Variants in DIAPH2 observed in about 807,000 individuals in gnomAD.
DIAPH2 encodes protein diaphanous homolog 2.
DIAPH2 carries 35 observed loss-of-function variants against 92.7 expected under a neutral mutation model. The ratio of observed to expected loss-of-function variants is 0.38; its 90% CI spans 0.29 to 0.50. The LOEUF is 0.50. Ranked by LOEUF, DIAPH2 falls within the 20% of genes least tolerant of loss-of-function variation. The pLI is 0.94. For synonymous variants in DIAPH2, 301 were observed against 280.4 expected (o/e 1.07, Z -0.73); for missense variants, 701 against 819.5 (o/e 0.86, Z 1.77).
intron 22 of DIAPH2, among the ~76,000 whole-genome samples, chrX:97,202,416 C>T (rs1302780650): frequency 9.0e-6 from 1 of 111,199 alleles, no homozygotes; most frequent in Admixed American, 9.6e-5. Context: ...TTCAGGAGAC[C>T]CATCTCACAT....
At chrX:97,235,833 C>T (rs1262942136) in intron 22 of DIAPH2, among the ~76,000 whole-genome samples, 1 of 110,530 alleles carries the variant, frequency 9.0e-6, no homozygotes, top group Non-Finnish European at 1.9e-5. Flanking sequence ...GCCCAGATAA[C>T]TAATCAAGAC....
chrX:97,484,890 AAAAAG>A (rs1370444459), intron 26 of DIAPH2, among the ~76,000 whole-genome samples: 17 of 112,354 alleles, frequency 1.5e-4, no homozygotes, highest in Admixed American at 3.8e-4. Flanking sequence ...GCGAGAAAAA[AAAAAG>A]AAAAGAAAAG....
chrX:97,182,488 AATC>A (rs1226317261), intron 22 of DIAPH2, among the ~76,000 whole-genome samples: 1 of 111,613 alleles, frequency 9.0e-6, no homozygotes, highest in East Asian at 2.8e-4. Context: ...GATTGATAGG[AATC>A]ATCATCATCA....
intron 3 of DIAPH2, among the ~76,000 whole-genome samples, chrX:96,756,773 A>G (rs1210599176): frequency 9.0e-6 from 1 of 111,176 alleles, no homozygotes; most frequent in Admixed American, 9.6e-5. Context: ...ATTCGTTGCC[A>G]ACATTTATTA....
chrX:96,883,757 T>C (rs983909892), intron 5 of DIAPH2, among the ~76,000 whole-genome samples: 3 of 111,044 alleles, frequency 2.7e-5, no homozygotes, highest in South Asian at 3.8e-4. Context: ...GGTGCATTTT[T>C]CCCCCCTGCA....
chrX:97,093,987 G>C (rs1347558695), intron 19 of DIAPH2, among the ~76,000 whole-genome samples: 1 of 112,135 alleles, frequency 8.9e-6, no homozygotes, highest in Non-Finnish European at 1.9e-5. Context: ...AAAATTGTCA[G>C]AAGTGTGACT....
intron 5 of DIAPH2, chrX:96,884,675 G>C: frequency 8.3e-7 from 1 of 1,210,934 alleles, no homozygotes; most frequent in Non-Finnish European, 1.1e-6. Context: ...TTGTCAGTCG[G>C]AGTATATGTC....
intron 12 of DIAPH2, among the ~76,000 whole-genome samples, chrX:96,941,602 C>T (rs965188990): frequency 1.8e-5 from 2 of 111,431 alleles, no homozygotes; most frequent in Non-Finnish European, 3.8e-5. Context: ...TTGCTTGCCA[C>T]GTAATGTGAA....
chrX:96,873,085 T>C (rs2065154599), intron 4 of DIAPH2, among the ~76,000 whole-genome samples: 2 of 111,662 alleles, frequency 1.8e-5, no homozygotes, highest in South Asian at 7.6e-4. Context: ...CGCCAGCATT[T>C]GTCATTGCCT....
chrX:97,210,639 C>T (rs1379808779), intron 22 of DIAPH2, among the ~76,000 whole-genome samples: 1 of 111,447 alleles, frequency 9.0e-6, no homozygotes, highest in African/African-American at 3.3e-5. Flanking sequence ...ATGGTACTGA[C>T]ATAAAAAGAA....
chrX:96,703,348 G>T (rs1205522484), intron 1 of DIAPH2, among the ~76,000 whole-genome samples: 1 of 111,974 alleles, frequency 8.9e-6, no homozygotes, highest in African/African-American at 3.2e-5. Flanking sequence ...CCTGTTTGTA[G>T]TATAAATATA....
intron 17 of DIAPH2, among the ~76,000 whole-genome samples, chrX:97,003,160 C>T (rs2066156490): frequency 9.0e-6 from 1 of 111,031 alleles, no homozygotes; most frequent in African/African-American, 3.3e-5. Flanking sequence ...GAATAGTACT[C>T]CATCATGTAT....
chrX:97,415,499 T>G (rs763638419), intron 25 of DIAPH2, among the ~76,000 whole-genome samples: 3 of 111,872 alleles, frequency 2.7e-5, no homozygotes, highest in South Asian at 3.8e-4. Context: ...GTGGCACATA[T>G]TCACCATGAA....
chrX:97,131,130 G>T (rs1321760518), intron 21 of DIAPH2, among the ~76,000 whole-genome samples: 1 of 110,053 alleles, frequency 9.1e-6, no homozygotes, highest in Non-Finnish European at 1.9e-5. Context: ...AAATAAAAAA[G>T]TGTTCACAGC....
chrX:97,195,959 T>G (rs1014681665), intron 22 of DIAPH2, among the ~76,000 whole-genome samples: 11 of 111,708 alleles, frequency 9.8e-5, no homozygotes, highest in African/African-American at 3.2e-4. Flanking sequence ...GAACACAAGT[T>G]AATTATTTGA....
intron 9 of DIAPH2, among the ~76,000 whole-genome samples, chrX:96,921,498 T>G (rs1312864298): frequency 5.4e-5 from 6 of 111,203 alleles, no homozygotes; most frequent in Non-Finnish European, 1.1e-4. Context: ...AATCCATATT[T>G]GTTTTCTATG....
intron 15 of DIAPH2, among the ~76,000 whole-genome samples, chrX:96,951,644 C>A (rs2065776011): frequency 9.0e-6 from 1 of 111,131 alleles, no homozygotes; most frequent in Non-Finnish European, 1.9e-5. Flanking sequence ...CTAGTGTGCC[C>A]AAAATAATGT....
intron 4 of DIAPH2, among the ~76,000 whole-genome samples, chrX:96,802,045 A>C (rs1328498885): frequency 8.9e-6 from 1 of 111,894 alleles, no homozygotes; most frequent in East Asian, 2.8e-4. Context: ...TCCTCCCTAA[A>C]GACTTCCAGT....
intron 22 of DIAPH2, among the ~76,000 whole-genome samples, chrX:97,168,922 C>T (rs993148547): frequency 4.5e-5 from 5 of 111,791 alleles, no homozygotes; most frequent in African/African-American, 1.6e-4. Flanking sequence ...TGAAAAATGT[C>T]CAGATTCTTA....
Sources: gnomAD v4.1 joint callset for allele counts (sites outside exome capture counted in the v4.1 genomes callset) on GRCh38, gnomAD v4.1.1 for gene constraint, MANE v1.5 for transcripts, NCBI Gene and HGNC (gene_info 2026-07-23, HGNC 2026-07-21) for gene names.